Variants in PHKB observed in about 807,000 individuals in gnomAD.
PHKB encodes phosphorylase b kinase regulatory subunit beta.
A neutral mutation model predicts 152.1 loss-of-function variants in PHKB; 122 were observed. The observed-to-expected ratio is 0.80, with a 90% CI of 0.69 to 0.93. The LOEUF (loss-of-function observed/expected upper bound fraction) is 0.93, where lower values mean the gene tolerates loss of function less well. Ranked by LOEUF, PHKB falls within the 40% of genes least tolerant of loss-of-function variation. The pLI is 0.00. For synonymous variants in PHKB, 436 were observed against 464.9 expected (o/e 0.94, Z 0.80); for missense variants, 1,304 against 1,328.4 (o/e 0.98, Z 0.29).
intron 6 of PHKB, among the ~76,000 whole-genome samples, chr16:47,528,804 C>A (rs1258050888): frequency 2.7e-5 from 4 of 149,732 alleles, no homozygotes; most frequent in Non-Finnish European, 4.4e-5. Context: ...TCAAGCGATT[C>A]TTCTGCCTCA....
At chr16:47,629,924 A>T (rs1296576145) in intron 14 of PHKB, among the ~76,000 whole-genome samples, 1 of 152,042 alleles carries the variant, frequency 6.6e-6, no homozygotes, top group East Asian at 1.9e-4. Flanking sequence ...TATCGCAATA[A>T]CAAAAAACCA....
intron 7 of PHKB, chr16:47,565,280 C>A (rs1431050056): frequency 9.1e-5 from 66 of 724,894 alleles, no homozygotes; most frequent in Non-Finnish European, 9.1e-5. Flanking sequence ...GTCTCCTGGA[C>A]CATGGCTAGA....
intron 14 of PHKB, among the ~76,000 whole-genome samples, chr16:47,633,030 A>G (rs1252839396): frequency 6.6e-6 from 1 of 152,208 alleles, no homozygotes; most frequent in Non-Finnish European, 1.5e-5. Context: ...AAGATGTTAA[A>G]TTTAGGTTAT....
In PHKB at chr16:47,641,652, T is replaced by C. The variant is rs774398701; in HGVS notation, c.1568T>C (p.Val523Ala). 87 of 1,606,684 alleles carry C rather than the reference T, an allele frequency of 5.4e-5. 2 individuals are homozygous for C. The Admixed American group carries it at 1.3e-3, about 23-fold the overall frequency. ...YGIQTQTPQQ[V>A]EPIQIWPQQE... Reference sequence around the variant, plus strand: ...ATTCAAACTCAAACTCCTCAACAAGTAGAACCCATTCAGATATGGCCTCAG... The same window carrying C: ...ATTCAAACTCAAACTCCTCAACAAGCAGAACCCATTCAGATATGGCCTCAG... The change falls in exon 16 of 31, where the codon GTA becomes GCA. Residue 523 changes from valine (V) to alanine (A), a missense_variant. Transcript: ENST00000323584.
intron 4 of PHKB, among the ~76,000 whole-genome samples, chr16:47,511,097 T>C (rs778829118): frequency 1.3e-4 from 20 of 152,246 alleles, no homozygotes; most frequent in African/African-American, 2.4e-4. Context: ...TAATAAATAA[T>C]GGCGTGGCCT....
chr16:47,520,445 C>T (rs958474145), intron 6 of PHKB, among the ~76,000 whole-genome samples: 3 of 152,164 alleles, frequency 2.0e-5, no homozygotes, highest in Admixed American at 6.6e-5. Flanking sequence ...TTATCAAGGT[C>T]GCACATGTAG....
chr16:47,680,734 A>G (rs889202413), intron 26 of PHKB, among the ~76,000 whole-genome samples: 2 of 151,950 alleles, frequency 1.3e-5, no homozygotes, highest in Non-Finnish European at 2.9e-5. Context: ...TGGATTCATT[A>G]ATTTTTTTGA....
chr16:47,492,178 A>T (rs1318030823), intron 1 of PHKB, among the ~76,000 whole-genome samples: 1 of 152,200 alleles, frequency 6.6e-6, no homozygotes, highest in African/African-American at 2.4e-5. Flanking sequence ...AAACATTGCC[A>T]CGTGGTTGCA....
At chr16:47,623,337 A>G (rs1416469758) in intron 14 of PHKB, among the ~76,000 whole-genome samples, 3 of 152,116 alleles carry the variant, frequency 2.0e-5, no homozygotes, top group Non-Finnish European at 4.4e-5. Context: ...TATATTTTCA[A>G]CATTTCGGAT....
At chr16:47,696,639 A>G in intron 29 of PHKB, 151 bp downstream of exon 29, 5 of 683,318 alleles carry the variant, frequency 7.3e-6, no homozygotes, top group Non-Finnish European at 2.7e-6. Context: ...TTCTTTCCGG[A>G]ACCTTGATCT....
rs571252577 is a variant in PHKB, at chr16:47,479,471, T to C, written c.77-17928T>C. Reference sequence around the variant, plus strand: ...CTCTTCTCTCTCATTTTTTTTTTTTTCGCAAGATAGTAGTACTATCACTGT... The same window carrying C: ...CTCTTCTCTCTCATTTTTTTTTTTTCCGCAAGATAGTAGTACTATCACTGT... On this transcript the variant is annotated intron_variant, in intron 1 of 30. Coordinates refer to ENST00000323584, the MANE Select transcript of PHKB (RefSeq NM_000293.3). Among the ~76,000 whole-genome samples the C allele has an allele frequency of 4.6e-5, 7 of 151,892 alleles. No homozygotes were observed. The East Asian group carries it at 1.4e-3, about 29-fold the overall frequency.
At chr16:47,660,891 A>G (rs1973432185) in intron 22 of PHKB, 72 bp downstream of exon 22, 11 of 1,469,484 alleles carry the variant, frequency 7.5e-6, no homozygotes, top group Non-Finnish European at 1.0e-5. Flanking sequence ...ATCAGACCAT[A>G]TGTCTTTTTG....
At chr16:47,602,186 G>C (rs1036143089) in intron 13 of PHKB, among the ~76,000 whole-genome samples, 2 of 152,106 alleles carry the variant, frequency 1.3e-5, no homozygotes, top group Non-Finnish European at 2.9e-5. Flanking sequence ...TCAGCCTCCT[G>C]AGTAGCTGGG....
Position 47,470,928 on chromosome 16 carries a change from C to CT in PHKB, c.76+9503dup, listed in dbSNP as rs532697106. Among the ~76,000 whole-genome samples the CT allele has an allele frequency of 3.0e-3, 452 of 152,366 alleles. 2 individuals are homozygous for CT. Among genetic ancestry groups the CT allele is most frequent in the Non-Finnish European group, 4.8e-3 (326 of 68,036 alleles). ...ACCAGTGCTTTTGTATACATTCACT[C>CT]TGTCTCTCTCCTGGATTCCTCCAGT... On this transcript the variant is annotated intron_variant, in intron 1 of 30. Coordinates refer to ENST00000323584, the MANE Select transcript of PHKB (RefSeq NM_000293.3).
intron 1 of PHKB, chr16:47,462,960 T>G (rs928514730): frequency 6.6e-6 from 1 of 152,604 alleles, no homozygotes; most frequent in African/African-American, 2.4e-5. Context: ...ATGTATTTGT[T>G]TCACACTTTT....
intron 4 of PHKB, among the ~76,000 whole-genome samples, chr16:47,504,729 G>A (rs1567282779): frequency 1.3e-5 from 2 of 152,346 alleles, no homozygotes; most frequent in Non-Finnish European, 2.9e-5. Flanking sequence ...GTTTTGTAAG[G>A]ATTAAGAAAT....
At chr16:47,640,261 T>C (rs1394191540) in intron 14 of PHKB, among the ~76,000 whole-genome samples, 1 of 152,214 alleles carries the variant, frequency 6.6e-6, no homozygotes, top group Admixed American at 6.5e-5. Context: ...TCCATTACTA[T>C]AAAAGAGTTA....
At chr16:47,653,780 C>T (rs1457189584) in intron 20 of PHKB, among the ~76,000 whole-genome samples, 2 of 152,054 alleles carry the variant, frequency 1.3e-5, no homozygotes, top group African/African-American at 4.8e-5. Context: ...ATGGGCTATA[C>T]CATATTCTTG....
intron 1 of PHKB, among the ~76,000 whole-genome samples, chr16:47,493,915 G>A (rs1970190920): frequency 1.3e-5 from 2 of 152,138 alleles, no homozygotes; most frequent in Non-Finnish European, 2.9e-5. Context: ...TCACAAATCC[G>A]AGGTCAACAG....
Sources: gnomAD v4.1 joint callset for allele counts (sites outside exome capture counted in the v4.1 genomes callset) on GRCh38, gnomAD v4.1.1 for gene constraint, MANE v1.5 for transcripts, NCBI Gene and HGNC (gene_info 2026-07-23, HGNC 2026-07-21) for gene names.